The following ALG6 variants were observed in gnomAD, a reference collection of about 807,000 sequenced individuals.
ALG6 encodes the protein ALG6 alpha-1,3-glucosyltransferase.
In ALG6, 46 loss-of-function variants were observed where a neutral mutation model predicts 66.6. The observed-to-expected ratio is 0.69, with a 90% confidence interval of 0.55 to 0.88. ALG6 has a LOEUF of 0.88. ALG6 is among the 40% of genes least tolerant of loss of function. The probability of loss-of-function intolerance (pLI) is 0.00; values close to 1 mark genes in which losing one functional copy is unlikely to be tolerated. For missense variants in ALG6, 505 were observed against 586.8 expected, an observed-to-expected ratio of 0.86 and a Z score of 1.44; for synonymous variants, 185 against 203.7, an observed-to-expected ratio of 0.91 and a Z score of 0.78.
Position 63,400,279 on chromosome 1 carries a change from ATACG to A in ALG6, c.168-1972_168-1969del, listed in dbSNP as rs1325229405. Among the ~76,000 whole-genome samples the A allele has an allele frequency of 5.3e-4, 11 of 20,850 alleles. 1 individual carries two copies. The highest frequency in any genetic ancestry group is 1.1e-3 in the African/African-American group (2 of 1,838). The allele number at this position is 20,850 out of a possible 152,430, so 13.7% of individuals were successfully genotyped here. On this transcript the variant is annotated intron_variant, in intron 3 of 14. Transcript: ENST00000263440. Reference sequence around the variant, plus strand: ...TGTATATATATATACGTATATATATATACGTATATATATATACGTATATATATGT... The same window carrying A: ...TGTATATATATATACGTATATATATATATATATATATACGTATATATATGT...
intron 2 of ALG6, among the ~76,000 whole-genome samples, chr1:63,376,739 C>T (rs933791209): frequency 1.3e-5 from 2 of 152,096 alleles, no homozygotes; most frequent in African/African-American, 4.8e-5. Context: ...ATGTAATCAG[C>T]TTTTGTAAAT....
chr1:63,428,543 T>C (rs1240253421), intron 12 of ALG6, 190 bp from the exon 13 acceptor site: 2 of 485,430 alleles, frequency 4.1e-6, no homozygotes, highest in Non-Finnish European at 7.2e-6. Context: ...TTGACACCTC[T>C]GTGCCTGTGT....
chr1:63,400,206 AATATATATATATATACGTAT>A lies in ALG6; in HGVS notation c.168-2032_168-2013del, dbSNP rs1644440762. Among the ~76,000 whole-genome samples, 8 of 36,430 alleles carry A rather than the reference AATATATATATATATACGTAT, an allele frequency of 2.2e-4. 2 individuals are homozygous for A. The highest frequency in any genetic ancestry group is 3.1e-3 in the South Asian group (2 of 638). The allele number at this position is 36,430 out of a possible 152,430, so 23.9% of individuals were successfully genotyped here. On this transcript the variant is annotated intron_variant, in intron 3 of 14. Transcript: ENST00000263440. ...CAAAACTCTGTCTCAAAAAAAAAAA[AATATATATATATATACGTAT>A]ATATATATATATATATACGTATATA...
intron 11 of ALG6, 118 bp from the exon 12 acceptor site, chr1:63,419,252 A>C: frequency 3.6e-6 from 3 of 843,690 alleles, no homozygotes; most frequent in South Asian, 1.5e-5. Context: ...ACTTCTAAAT[A>C]GAGCTTTAAT....
chr1:63,395,740 A>G (rs1353537449), intron 2 of ALG6, among the ~76,000 whole-genome samples: 2 of 152,188 alleles, frequency 1.3e-5, no homozygotes, highest in Non-Finnish European at 2.9e-5. Flanking sequence ...TTACTATTTT[A>G]TGGTACATAT....
At chr1:63,380,589 G>T (rs147040018) in intron 2 of ALG6, among the ~76,000 whole-genome samples, 4 of 151,734 alleles carry the variant, frequency 2.6e-5, no homozygotes, top group African/African-American at 7.3e-5. Flanking sequence ...TTATTTTCTC[G>T]TTTATTTTAA....
intron 3 of ALG6, among the ~76,000 whole-genome samples, chr1:63,401,005 T>C (rs1431256694): frequency 2.0e-5 from 3 of 147,980 alleles, no homozygotes; most frequent in African/African-American, 7.3e-5. Context: ...GTTTCCCAGA[T>C]TCAAGCTGCC....
chr1:63,397,565 T>TG (rs11395449), intron 3 of ALG6, among the ~76,000 whole-genome samples: 115,208 of 152,024 alleles, frequency 0.76, 44,245 homozygotes, highest in African/African-American at 0.87. Context: ...TACCCTTCAT[T>TG]GTTATATGAT....
At chr1:63,378,890 A>T in intron 2 of ALG6, among the ~76,000 whole-genome samples, 1 of 148,942 alleles carries the variant, frequency 6.7e-6, no homozygotes. Flanking sequence ...TCCCCATTGA[A>T]TGTTAAGGTT....
At chr1:63,422,197 C>CTATATGAATATAAATATATATT (rs1557594848) in intron 12 of ALG6, among the ~76,000 whole-genome samples, 2 of 101,080 alleles carry the variant, frequency 2.0e-5, no homozygotes, top group Non-Finnish European at 3.9e-5. Flanking sequence ...AAATATATAT[C>CTATATGAATATAAATATATATT]TATATGAATA....
intron 12 of ALG6, among the ~76,000 whole-genome samples, chr1:63,420,378 A>T (rs1307899383): frequency 6.6e-6 from 1 of 152,174 alleles, no homozygotes; most frequent in Non-Finnish European, 1.5e-5. Context: ...ACTTTCAAAC[A>T]TGTATTAATA....
At position 63,390,822 on chromosome 1, in the gene ALG6, TC is replaced by T. The variant is rs546589930; in HGVS notation, c.83-5687del. Reference sequence around the variant, plus strand: ...AGTCCCATAGTCACTGCACTCTCCCTCCCCAAACACACAGATTCTCTCTTCA... The same window carrying T: ...AGTCCCATAGTCACTGCACTCTCCCTCCCAAACACACAGATTCTCTCTTCA... On this transcript the variant is annotated intron_variant, in intron 2 of 14. Transcript: ENST00000263440. Among the ~76,000 whole-genome samples, 197 of 152,278 alleles carry T rather than the reference TC, an allele frequency of 1.3e-3. 1 individual carries two copies. In the Middle Eastern group the frequency reaches 0.02, roughly 16 times the overall value.
chr1:63,380,383 G>C (rs1310740793), intron 2 of ALG6, among the ~76,000 whole-genome samples: 1 of 152,128 alleles, frequency 6.6e-6, no homozygotes, highest in Non-Finnish European at 1.5e-5. Context: ...TGGCTGAAGT[G>C]GGGGAAGAAG....
chr1:63,390,485 G>A (rs767691563), intron 2 of ALG6, among the ~76,000 whole-genome samples: 17 of 152,130 alleles, frequency 1.1e-4, no homozygotes, highest in Non-Finnish European at 2.2e-4. Context: ...GGTGATGCAA[G>A]CACTCCCTTG....
chr1:63,369,113 T>C (rs1349930463), intron 1 of ALG6, among the ~76,000 whole-genome samples: 1 of 152,202 alleles, frequency 6.6e-6, no homozygotes, highest in African/African-American at 2.4e-5. Flanking sequence ...AAATTATGTG[T>C]GTGAGATTGC....
At position 63,433,260 on chromosome 1, in the gene ALG6, A is replaced by G. The variant is rs12096807; in HGVS notation, c.1327-3563A>G. Reference sequence around the variant, plus strand: ...CCAGCCCAACAGGCTATACTTATTTATATTTTTGAGTACTACATAGAGGAT... The same window carrying G: ...CCAGCCCAACAGGCTATACTTATTTGTATTTTTGAGTACTACATAGAGGAT... On this transcript the variant is annotated intron_variant, in intron 14 of 14. Transcript: ENST00000263440. This position sits in a 1 kb window ranked among gnomAD's most constrained non-coding sequence, Gnocchi z 4.2. Among the ~76,000 whole-genome samples, 2,917 of 152,292 alleles carry G rather than the reference A, an allele frequency of 0.019. 85 individuals carry two copies. Among genetic ancestry groups the G allele is most frequent in the African/African-American group, 0.066 (2,762 of 41,560 alleles).
At chr1:63,369,646 AAAC>A (rs1432816151) in intron 1 of ALG6, among the ~76,000 whole-genome samples, 1 of 151,972 alleles carries the variant, frequency 6.6e-6, no homozygotes, top group African/African-American at 2.4e-5. Context: ...AAAGAAAAAA[AAAC>A]AAATAAAATA....
intron 2 of ALG6, among the ~76,000 whole-genome samples, chr1:63,389,853 T>G (rs570045760): frequency 6.6e-6 from 1 of 152,312 alleles, no homozygotes; most frequent in African/African-American, 2.4e-5. Flanking sequence ...TTTGATGGTC[T>G]TGGGTAACAA....
At position 63,436,978 on chromosome 1, in the gene ALG6, G is replaced by A. The variant is rs1483502735; in HGVS notation, c.1482G>A (p.Met494Ile). ...TGGTATACTTTAACATTATTATTAT[G>A]TGGGATTCCAAAAGTGGAAGAAATC... ...FFLVYFNIII[M>I]WDSKSGRNQK... The change falls in exon 15 of 15, where the codon ATG becomes ATA. Residue 494 changes from methionine to isoleucine, a missense_variant. Coordinates refer to ENST00000263440, the MANE Select transcript of ALG6 (RefSeq NM_013339.4). 1 of 1,613,506 alleles carries A rather than the reference G, an allele frequency of 6.2e-7. No homozygotes were observed. The highest frequency in any genetic ancestry group is 8.5e-7 in the Non-Finnish European group (1 of 1,179,614).
Sources: allele counts gnomAD v4.1 joint callset (sites outside exome capture counted in the v4.1 genomes callset), GRCh38; gene constraint gnomAD v4.1.1; non-coding constraint Gnocchi (gnomAD v3.1); transcripts MANE v1.5; gene names NCBI Gene and HGNC (gene_info 2026-07-23, HGNC 2026-07-21).